The following PDCD5 variants were observed in gnomAD, a reference collection of about 807,000 sequenced individuals.
PDCD5 encodes programmed cell death 5.
Under a neutral mutation model 21.9 loss-of-function variants are expected in PDCD5, and 23 were observed. The ratio of observed to expected loss-of-function variants is 1.05; its 90% CI spans 0.76 to 1.49. PDCD5 has a LOEUF of 1.49. Ranked by LOEUF, PDCD5 falls within the 40% of genes most tolerant of loss-of-function variation. PDCD5 has a pLI of 0.00. For synonymous variants in PDCD5, 45 were observed against 49.4 expected (o/e 0.91, Z 0.37); for missense variants, 152 against 147.7 (o/e 1.03, Z -0.15).
At chr19:32,586,801 A>T in intron 4 of PDCD5, 57 bp from the exon 5 acceptor site, 1 of 1,574,130 alleles carries the variant, frequency 6.4e-7, no homozygotes, top group Non-Finnish European at 8.6e-7. Flanking sequence ...CCATCTGCAG[A>T]GGTAAATTCT....
intron 1 of PDCD5, 76 bp downstream of exon 1, chr19:32,581,403 G>GGGCGGAGGCTCTGGGCGCCTCCCC (rs1971423906): frequency 9.5e-7 from 1 of 1,047,980 alleles, no homozygotes; most frequent in Non-Finnish European, 1.3e-6. Context: ...CGCGCCTCCG[G>GGGCGGAGGCTCTGGGCGCCTCCCC]GGCGGAGGCT....
intron 3 of PDCD5, 92 bp downstream of exon 3, chr19:32,585,103 T>C (rs569027683): frequency 2.2e-5 from 21 of 943,268 alleles, no homozygotes; most frequent in Admixed American, 6.9e-5. Flanking sequence ...AGATGAAATA[T>C]TTGCTTAGGC....
At chr19:32,582,966 AG>A (rs369740520) in intron 2 of PDCD5, among the ~76,000 whole-genome samples, 5 of 152,338 alleles carry the variant, frequency 3.3e-5, no homozygotes, top group African/African-American at 1.2e-4. Context: ...GAGTAGTGAT[AG>A]GAAGTAAAAC....
At position 32,581,301 on chromosome 19, in the gene PDCD5, C is replaced by G; in HGVS notation, c.40C>G (p.Leu14Val). 1 of 1,527,324 alleles carries G rather than the reference C, an allele frequency of 6.5e-7. No individual in the cohort carries two copies. The highest frequency in any genetic ancestry group is 1.2e-5 in the South Asian group (1 of 81,682). 94.6% of individuals were successfully genotyped at this position (1,527,324 alleles called of 1,614,324 possible). A position where few individuals can be genotyped will look rare whatever the true frequency, so the allele number is the denominator to read the frequency against. The change falls in exon 1 of 6, where the codon CTG (leucine) becomes GTG (valine). Residue 14 changes from leucine (L) to valine (V), a missense_variant. Physicochemically the swap from Leu to Val is conservative, Grantham distance 32. Transcript: ENST00000590247. Reference protein sequence around the residue: ...EELEALRRQRLAELQAKHGDP... With the variant: ...EELEALRRQRVAELQAKHGDP... ...GCTTGAGGCGCTGAGGAGACAGAGG[C>G]TGGCCGAGCTGCAGGCCAAACACGG...
rs1164348411 is a variant in PDCD5, at chr19:32,581,253, C to T, written c.-9C>T. The T allele has an allele frequency of 8.0e-6, 12 of 1,506,974 alleles. No individual in the cohort carries two copies. In the South Asian group the frequency reaches 8.8e-5, roughly 11 times the overall value. 93.4% of individuals were successfully genotyped at this position (1,506,974 alleles called of 1,614,324 possible). On this transcript the variant is annotated 5_prime_UTR_variant, in exon 1 of 6. It adds an upstream start codon to the 5' untranslated region. Transcript: ENST00000590247. ...GTGACCGCGGCTGCTCCAGCGCTGA[C>T]GCCGAGCCATGGCGGACGAGGAGCT...
At chr19:32,584,778 G>A (rs957969852) in intron 2 of PDCD5, 172 bp from the exon 3 acceptor site, 7 of 622,722 alleles carry the variant, frequency 1.1e-5, no homozygotes, top group Non-Finnish European at 1.7e-5. Context: ...GAGGGCAAAA[G>A]GGGATTCTAC....
chr19:32,587,112 C>A (rs1018356048), intron 5 of PDCD5, 141 bp from the exon 6 acceptor site: 8 of 798,312 alleles, frequency 1.0e-5, no homozygotes, highest in Non-Finnish European at 1.2e-5. Context: ...AGGCTCTTGA[C>A]TCCATTCCCA....
In PDCD5 at chr19:32,582,241, T is replaced by G. The variant is rs1450473782; in HGVS notation, c.104+9T>G. 11 of 1,610,554 alleles carry G rather than the reference T, an allele frequency of 6.8e-6. No individual in the cohort carries two copies. Among genetic ancestry groups the G allele is most frequent in the Non-Finnish European group, 9.3e-6 (11 of 1,176,964 alleles). On this transcript the variant is annotated intron_variant, in intron 2 of 5. Transcript: ENST00000590247. Reference sequence around the variant, plus strand: ...CAGGAAGCAAAGCACAGGTATGGGCTGGAAACGTGAACTTTTTGAAGGGTG... The same window carrying G: ...CAGGAAGCAAAGCACAGGTATGGGCGGGAAACGTGAACTTTTTGAAGGGTG...
rs142226357 is a variant in PDCD5, at chr19:32,584,997, C to G, written c.152C>G (p.Ser51Trp). 17 of 1,613,672 alleles carry G rather than the reference C, an allele frequency of 1.1e-5. No individual in the cohort carries two copies. The highest frequency in any genetic ancestry group is 1.4e-5 in the Non-Finnish European group (17 of 1,179,600). ...NSILAQVLDQ[S>W]ARARLSNLAL... is the part of the protein sequence containing the mutation. ...ATCTTAGCCCAAGTTCTGGATCAGT[C>G]GGCCCGGGCCAGGTGTAAGCATCTT... The change falls in exon 3 of 6, where the codon TCG (serine) becomes TGG (tryptophan). Residue 51 changes from serine (S) to tryptophan (W), a missense_variant. Physicochemically the swap from Ser to Trp is radical, Grantham distance 177. Transcript: ENST00000590247.
intron 1 of PDCD5, 159 bp downstream of exon 1, chr19:32,581,486 G>A: frequency 2.5e-6 from 1 of 402,424 alleles, no homozygotes; most frequent in Non-Finnish European, 4.3e-6. Context: ...AGGTGGCCTC[G>A]TCGCTTTCCT....
intron 5 of PDCD5, 44 bp downstream of exon 5, chr19:32,586,973 TTTAAAGA>T (rs1165186396): frequency 1.0e-5 from 15 of 1,444,570 alleles, no homozygotes; most frequent in Middle Eastern, 1.8e-4. Flanking sequence ...AGATGGATAC[TTTAAAGA>T]TTAATGTTGA....
intron 1 of PDCD5, chr19:32,581,826 T>G: frequency 4.0e-6 from 1 of 252,336 alleles, no homozygotes; most frequent in Non-Finnish European, 7.4e-6. Context: ...CGGAGAGGCG[T>G]TTCTGATAAG....
intron 2 of PDCD5, 71 bp downstream of exon 2, chr19:32,582,303 T>A (rs1971436301): frequency 7.4e-7 from 1 of 1,345,874 alleles, no homozygotes; most frequent in Non-Finnish European, 1.1e-6. Flanking sequence ...GTAGTTATTT[T>A]AAGCAGGTGT....
rs556098723 is a variant in PDCD5 at position 32,586,100 on chromosome 19, C to G, written c.258+193C>G. 6.2e-5 allele frequency: 95 copies of G among 1,530,792 alleles called. 3 individuals are homozygous for G. In the African/African-American group the frequency reaches 1.1e-3, roughly 18 times the overall value. The allele number at this position is 1,530,792 out of a possible 1,614,324, so 94.8% of individuals were successfully genotyped here. ...CTAAATTCCTCTGCTTCGCTCCTTT[C>G]CTGGCGTTGCTCTGGAACCTTGTTG... On this transcript the variant is annotated intron_variant, in intron 4 of 5. Transcript: ENST00000590247.
At chr19:32,586,488 A>C in intron 4 of PDCD5, 1 of 1,101,906 alleles carries the variant, frequency 9.1e-7, no homozygotes, top group Non-Finnish European at 1.1e-6. Context: ...ACCTCCTTCA[A>C]GGGGATGTTT....
At chr19:32,582,131 C>T (rs2145237655) in intron 1 of PDCD5, 64 bp from the exon 2 acceptor site, 2 of 1,138,860 alleles carry the variant, frequency 1.8e-6, no homozygotes, top group Non-Finnish European at 2.6e-6. Flanking sequence ...AACAACAGAA[C>T]CGTTCCTTTT....
intron 4 of PDCD5, 161 bp from the exon 5 acceptor site, chr19:32,586,697 C>T (rs1971480063): frequency 4.5e-6 from 6 of 1,328,680 alleles, no homozygotes; most frequent in South Asian, 2.3e-5. Flanking sequence ...GGAACTTAAA[C>T]CAATAGTTAT....
intron 1 of PDCD5, among the ~76,000 whole-genome samples, chr19:32,581,946 G>A (rs1417688610): frequency 6.6e-6 from 1 of 152,144 alleles, no homozygotes; most frequent in Non-Finnish European, 1.5e-5. Context: ...ACACGGTTTC[G>A]TAATACAGGG....
At chr19:32,586,067 T>TTA in intron 4 of PDCD5, 160 bp downstream of exon 4, 3 of 1,554,484 alleles carry the variant, frequency 1.9e-6, no homozygotes, top group Non-Finnish European at 2.6e-6. Context: ...GAGAATAAAT[T>TTA]GCCTTTCCTA....
Sources: gnomAD v4.1 joint callset for allele counts (sites outside exome capture counted in the v4.1 genomes callset) on GRCh38, gnomAD v4.1.1 for gene constraint, MANE v1.5 for transcripts, NCBI Gene and HGNC (gene_info 2026-07-23, HGNC 2026-07-21) for gene names.